The following ZFAT variants were observed in gnomAD, a reference collection of about 807,000 sequenced individuals.
ZFAT encodes the protein zinc finger protein ZFAT.
In ZFAT, 64 loss-of-function variants were observed where a neutral mutation model predicts 117.7. The ratio of observed to expected loss-of-function variants is 0.54; its 90% CI spans 0.44 to 0.67. The LOEUF (loss-of-function observed/expected upper bound fraction) is 0.67, where lower values mean the gene tolerates loss of function less well. Among genes scored for constraint, ZFAT ranks in the 30% least tolerant of loss-of-function variants. ZFAT has a pLI of 0.00. For missense variants in ZFAT, 1,433 were observed against 1,584.5 expected, an observed-to-expected ratio of 0.90 and a Z score of 1.62; for synonymous variants, 679 against 615.0, an observed-to-expected ratio of 1.10 and a Z score of -1.54.
the ZFAT span, among the ~76,000 whole-genome samples, chr8:134,821,629 G>C: frequency 6.6e-6 from 1 of 151,682 alleles, no homozygotes; most frequent in Non-Finnish European, 1.5e-5. Flanking sequence ...AAATACTTAA[G>C]AGTTATTGTG....
intron 15 of ZFAT, among the ~76,000 whole-genome samples, chr8:134,496,394 A>C (rs1456692637): frequency 1.3e-5 from 2 of 152,060 alleles, no homozygotes; most frequent in Admixed American, 6.6e-5. Flanking sequence ...AGCTGGGGTG[A>C]CTCCCATGAA....
In ZFAT at chr8:134,509,661, C is replaced by G; in HGVS notation, c.3450G>C (p.Ser1150=). The change falls in exon 15 of 16, where the codon TCG becomes TCC. Residue 1150 remains serine (S), a synonymous_variant. Transcript: ENST00000377838. ...AETHDATALA[S]VVAMAPGTVT... ...CCGTCCCTGGTGCCATGGCAACCAC[C>G]GAGGCAAGGGCAGTGGCGTCATGGG... is the stretch of plus-strand genomic sequence containing the variant. The G allele has an allele frequency of 6.2e-7, 1 of 1,613,452 alleles. No homozygotes were observed. The highest frequency in any genetic ancestry group is 1.1e-5 in the South Asian group (1 of 91,042).
chr8:134,761,266 C>T, the ZFAT span, among the ~76,000 whole-genome samples: 1 of 152,174 alleles, frequency 6.6e-6, no homozygotes, highest in African/African-American at 2.4e-5. Context: ...CAACCAAGAC[C>T]TTCAAAGGAC....
chr8:134,759,604 G>GAAAA, the ZFAT span, among the ~76,000 whole-genome samples: 1 of 149,412 alleles, frequency 6.7e-6, no homozygotes. Context: ...ATTCATTTAG[G>GAAAA]AAAAAAAAAA....
intron 1 of ZFAT, among the ~76,000 whole-genome samples, chr8:134,665,425 C>T (rs1202171094): frequency 3.9e-5 from 6 of 152,194 alleles, no homozygotes; most frequent in Middle Eastern, 3.2e-3. Flanking sequence ...TCTGTTACCC[C>T]GCACATGAGG....
chr8:134,485,953 C>A (rs1187762615), intron 15 of ZFAT, among the ~76,000 whole-genome samples: 1 of 152,256 alleles, frequency 6.6e-6, no homozygotes, highest in Non-Finnish European at 1.5e-5. Context: ...GAGTTCCCCA[C>A]ATGCCTGTGC....
intron 10 of ZFAT, among the ~76,000 whole-genome samples, chr8:134,568,755 C>T (rs1397370281): frequency 6.6e-6 from 1 of 152,218 alleles, no homozygotes; most frequent in East Asian, 1.9e-4. Flanking sequence ...TTTTCAGCAA[C>T]CACTGCCAGC....
At chr8:134,685,015 C>T (rs558294662) in intron 1 of ZFAT, among the ~76,000 whole-genome samples, 10 of 152,284 alleles carry the variant, frequency 6.6e-5, no homozygotes, top group Non-Finnish European at 1.5e-4. Flanking sequence ...CAAAGTGGCA[C>T]CCCCACCCTC....
At chr8:134,558,473 G>A (rs557125745) in intron 11 of ZFAT, among the ~76,000 whole-genome samples, 1 of 152,312 alleles carries the variant, frequency 6.6e-6, no homozygotes, top group South Asian at 2.1e-4. Flanking sequence ...GTAAGCAGCA[G>A]CATCAACATT....
At chr8:134,605,870 T>C (rs1196119361) in intron 5 of ZFAT, among the ~76,000 whole-genome samples, 1 of 152,168 alleles carries the variant, frequency 6.6e-6, no homozygotes. Context: ...GAAAGTGCCA[T>C]AGGCCAGCCT....
At chr8:134,571,574 A>T (rs1824907278) in intron 10 of ZFAT, among the ~76,000 whole-genome samples, 1 of 152,186 alleles carries the variant, frequency 6.6e-6, no homozygotes, top group Non-Finnish European at 1.5e-5. Flanking sequence ...CCAAGACCCC[A>T]GAAACCAGGC....
intron 5 of ZFAT, among the ~76,000 whole-genome samples, chr8:134,606,188 C>G (rs183923784): frequency 1.2e-3 from 178 of 152,308 alleles, no homozygotes; most frequent in Non-Finnish European, 2.0e-3. Flanking sequence ...AGCAGGTGGA[C>G]AAGCCTCAGA....
At chr8:134,772,661 G>A in the ZFAT span, among the ~76,000 whole-genome samples, 6 of 152,240 alleles carry the variant, frequency 3.9e-5, no homozygotes, top group Non-Finnish European at 8.8e-5. Context: ...GTCTAGCTAA[G>A]ATCACTGATG....
intron 3 of ZFAT, among the ~76,000 whole-genome samples, chr8:134,627,230 G>A (rs1296152219): frequency 6.6e-6 from 1 of 152,206 alleles, no homozygotes; most frequent in Non-Finnish European, 1.5e-5. Flanking sequence ...CTCAGAAGGA[G>A]AGCGGCCAGT....
intron 15 of ZFAT, among the ~76,000 whole-genome samples, chr8:134,488,629 G>T (rs1817822315): frequency 6.6e-6 from 1 of 152,160 alleles, no homozygotes; most frequent in African/African-American, 2.4e-5. Flanking sequence ...GCATGTGTCA[G>T]ATGCTCTGGT....
chr8:134,768,732 C>A, the ZFAT span, among the ~76,000 whole-genome samples: 13 of 152,192 alleles, frequency 8.5e-5, no homozygotes, highest in African/African-American at 2.9e-4. Flanking sequence ...TGTGGGAATT[C>A]AAGATGAGAT....
At chr8:134,753,791 CAG>C in the ZFAT span, among the ~76,000 whole-genome samples, 2 of 152,128 alleles carry the variant, frequency 1.3e-5, no homozygotes, top group African/African-American at 4.8e-5. Flanking sequence ...AGTGAAAAAA[CAG>C]ACAACACTAG....
intron 11 of ZFAT, among the ~76,000 whole-genome samples, chr8:134,563,675 T>G (rs1824213517): frequency 6.6e-6 from 1 of 152,218 alleles, no homozygotes; most frequent in Admixed American, 6.5e-5. Context: ...AATCTTCGTA[T>G]TTCAAAGACG....
At chr8:134,663,239 C>T (rs182314293) in intron 1 of ZFAT, among the ~76,000 whole-genome samples, 1 of 152,266 alleles carries the variant, frequency 6.6e-6, no homozygotes, top group Admixed American at 6.5e-5. Context: ...ACTTACAAAA[C>T]AAATTATGAT....
Sources: allele counts gnomAD v4.1 joint callset (sites outside exome capture counted in the v4.1 genomes callset), GRCh38; gene constraint gnomAD v4.1.1; transcripts MANE v1.5; gene names NCBI Gene and HGNC (gene_info 2026-07-23, HGNC 2026-07-21).